Variants in PPDPFL observed in about 807,000 individuals in gnomAD.
The protein encoded by PPDPFL is pancreatic progenitor cell differentiation and proliferation factor-like protein.
PPDPFL carries 12 observed loss-of-function variants against 12.6 expected under a neutral mutation model. The observed-to-expected ratio is 0.95, with a 90% CI of 0.61 to 1.54. The LOEUF (loss-of-function observed/expected upper bound fraction) is 1.54. PPDPFL is among the 40% of genes most tolerant of loss of function. The probability of loss-of-function intolerance (pLI) is 0.00; values close to 1 mark genes in which losing one functional copy is unlikely to be tolerated. For missense variants in PPDPFL, 114 were observed against 96.0 expected (o/e 1.19, Z -0.78); for synonymous variants, 24 against 32.7 (o/e 0.73, Z 0.91).
upstream of PPDPFL, among the ~76,000 whole-genome samples, chr8:49,071,588 G>A (rs554131917): frequency 6.6e-6 from 1 of 152,066 alleles, no homozygotes; most frequent in South Asian, 2.1e-4. Flanking sequence ...CCTGGGAGGC[G>A]GAGCTTGCAG....
chr8:49,057,342 A>T (rs182919977), intron 1 of PPDPFL, among the ~76,000 whole-genome samples: 1 of 152,312 alleles, frequency 6.6e-6, no homozygotes, highest in African/African-American at 2.4e-5. Flanking sequence ...AGCCATAAGC[A>T]CTTTATCTCT....
rs1808486509 is a variant in PPDPFL, at chr8:49,075,677, G to C, written c.*504G>C. 1 of 174,656 alleles carries C rather than the reference G, an allele frequency of 5.7e-6. No homozygotes were observed. Among genetic ancestry groups the C allele is most frequent in the African/African-American group, 2.4e-5 (1 of 41,812 alleles). 10.8% of individuals were successfully genotyped at this position (174,656 alleles called of 1,614,324 possible). A position where few individuals can be genotyped will look rare whatever the true frequency, so the allele number is the denominator to read the frequency against. ...AATGTTTCACATAATGGTTTAAAGG[G>C]CATTGAATTCGAAATTTTAGAAAAT... On this transcript the variant is annotated 3_prime_UTR_variant, in exon 5 of 5. Transcript: ENST00000522267.
upstream of PPDPFL, among the ~76,000 whole-genome samples, chr8:49,068,273 A>C (rs1670855138): frequency 6.6e-6 from 1 of 152,224 alleles, no homozygotes; most frequent in African/African-American, 2.4e-5. Context: ...GAGTAGTGTT[A>C]TGATTCAAAG....
In PPDPFL at chr8:49,057,371, A is replaced by G. The variant is rs1483647195; in HGVS notation, c.-45+3002A>G. On this transcript the variant is annotated intron_variant, in intron 1 of 4. Transcript: ENST00000517663. Reference sequence around the variant, plus strand: ...TATCTCTTGTATGAAAAATTCAATTAATTAAAAGTTAAAACAAACTATTTC... The same window carrying G: ...TATCTCTTGTATGAAAAATTCAATTGATTAAAAGTTAAAACAAACTATTTC... Among the ~76,000 whole-genome samples, 31 of 152,190 alleles carry G rather than the reference A, an allele frequency of 2.0e-4. 1 individual carries two copies. The highest frequency in any genetic ancestry group is 2.0e-3 in the Admixed American group (31 of 15,270).
intron 1 of PPDPFL, among the ~76,000 whole-genome samples, chr8:49,064,578 G>A (rs1167330908): frequency 1.3e-5 from 2 of 152,164 alleles, no homozygotes; most frequent in South Asian, 2.1e-4. Context: ...CAAGCCCACC[G>A]AGGCCCACTC....
chr8:49,064,581 G>T (rs77469223), intron 1 of PPDPFL, among the ~76,000 whole-genome samples: 3,751 of 151,684 alleles, frequency 0.025, 160 homozygotes, highest in African/African-American at 0.087. Context: ...GCCCACCGAG[G>T]CCCACTCACT....
chr8:49,061,726 G>C (rs571224606), intron 1 of PPDPFL, among the ~76,000 whole-genome samples: 6 of 152,254 alleles, frequency 3.9e-5, no homozygotes, highest in Admixed American at 1.3e-4. Context: ...CTTGGCAGCA[G>C]GTAAAGGGAC....
At chr8:49,062,232 G>A (rs1467036648) in intron 1 of PPDPFL, among the ~76,000 whole-genome samples, 1 of 152,152 alleles carries the variant, frequency 6.6e-6, no homozygotes, top group Non-Finnish European at 1.5e-5. Context: ...GTTGGTTAAG[G>A]GAGAATTTTT....
At chr8:49,055,072 G>T (rs988781621) in intron 1 of PPDPFL, among the ~76,000 whole-genome samples, 1 of 152,144 alleles carries the variant, frequency 6.6e-6, no homozygotes, top group Non-Finnish European at 1.5e-5. Flanking sequence ...TTCCTAAAAT[G>T]TGCACATTTC....
chr8:49,066,619 G>T (rs1281818039), intron 1 of PPDPFL, among the ~76,000 whole-genome samples: 1 of 152,156 alleles, frequency 6.6e-6, no homozygotes, highest in Non-Finnish European at 1.5e-5. Context: ...CCCCCAAGAA[G>T]AAGGAGGGCA....
At chr8:49,066,950 G>T (rs1190195023) in intron 1 of PPDPFL, among the ~76,000 whole-genome samples, 1 of 152,098 alleles carries the variant, frequency 6.6e-6, no homozygotes, top group Non-Finnish European at 1.5e-5. Flanking sequence ...GGAGAATCCT[G>T]CTCATGAGAG....
chr8:49,066,922 G>C lies in PPDPFL; in HGVS notation c.-44-5865G>C, dbSNP rs557574545. 7.9e-5 allele frequency among the ~76,000 whole-genome samples: 12 copies of C among 152,196 alleles called. No individual in the cohort carries two copies. In the East Asian group the frequency reaches 2.3e-3, roughly 30 times the overall value. The stretch of plus-strand genomic sequence containing the variant: ...TCATGTACCTGATGACCCCCTGTAA[G>C]CTCCCAGGATCTTTTCTGGAGAATC... On this transcript the variant is annotated intron_variant, in intron 1 of 4. Transcript: ENST00000517663.
In PPDPFL at chr8:49,075,213, A is replaced by G; in HGVS notation, c.*40A>G. The stretch of plus-strand genomic sequence containing the variant: ...ACTGCCATTTGATGAACATGTTGGT[A>G]ACGGTTGCCTGCCTTATGTAGCATG... On this transcript the variant is annotated 3_prime_UTR_variant, in exon 5 of 5. Coordinates refer to ENST00000522267, the MANE Select transcript of PPDPFL (RefSeq NM_001256597.2). 1 of 1,614,008 alleles carries G rather than the reference A, an allele frequency of 6.2e-7. No individual in the cohort carries two copies. The highest frequency in any genetic ancestry group is 1.3e-5 in the African/African-American group (1 of 75,056).
In PPDPFL at chr8:49,074,047, T is replaced by G. The variant is rs1355444875; in HGVS notation, c.56-12T>G. 1 of 1,587,322 alleles carries G rather than the reference T, an allele frequency of 6.3e-7. No homozygotes were observed. Among genetic ancestry groups the G allele is most frequent in the Non-Finnish European group, 8.6e-7 (1 of 1,158,332 alleles). ...AGTTATTTATTTGTTTAATATCATT[T>G]GTTTCCTACAGAGTCCAGTGTTTCT... On this transcript the variant is annotated splice_polypyrimidine_tract_variant and intron_variant, in intron 2 of 4. Transcript: ENST00000522267.
chr8:49,059,824 T>C (rs1365623168), intron 1 of PPDPFL, among the ~76,000 whole-genome samples: 1 of 152,244 alleles, frequency 6.6e-6, no homozygotes, highest in African/African-American at 2.4e-5. Context: ...CAGAGAGTTT[T>C]CTGTAGTTTC....
intron 1 of PPDPFL, among the ~76,000 whole-genome samples, chr8:49,067,178 T>A (rs1808313070): frequency 6.6e-6 from 1 of 152,212 alleles, no homozygotes; most frequent in South Asian, 2.1e-4. Context: ...ATATTATTAT[T>A]TCCTTTTTCA....
At chr8:49,065,995 G>A (rs10504070) in intron 1 of PPDPFL, among the ~76,000 whole-genome samples, 51,155 of 152,146 alleles carry the variant, frequency 0.34, 8,816 homozygotes, top group Non-Finnish European at 0.37. Flanking sequence ...TATTCTCACA[G>A]TGTAGCTTCT....
At chr8:49,075,072 C>A (rs1808469040) in intron 4 of PPDPFL, 80 bp from the exon 5 acceptor site, 2 of 1,556,288 alleles carry the variant, frequency 1.3e-6, no homozygotes, top group East Asian at 4.6e-5. Context: ...CACTCTTTAT[C>A]AAGTTTATTC....
chr8:49,060,159 C>A (rs112048259), intron 1 of PPDPFL, among the ~76,000 whole-genome samples: 32 of 152,240 alleles, frequency 2.1e-4, no homozygotes, highest in African/African-American at 7.0e-4. Context: ...GTGTAGGTCT[C>A]AGATTTCAAA....
Sources: gnomAD v4.1 joint callset for allele counts (sites outside exome capture counted in the v4.1 genomes callset) on GRCh38, gnomAD v4.1.1 for gene constraint, MANE v1.5 for transcripts, NCBI Gene and HGNC (gene_info 2026-07-23, HGNC 2026-07-21) for gene names.